The following PLS1 variants were observed in gnomAD, a reference collection of about 807,000 sequenced individuals.
The protein encoded by PLS1 is plastin-1.
A neutral mutation model predicts 73.7 loss-of-function variants in PLS1; 32 were observed. The ratio of observed to expected loss-of-function variants is 0.43; its 90% CI spans 0.33 to 0.58. The LOEUF (loss-of-function observed/expected upper bound fraction) is 0.58. Ranked by LOEUF, PLS1 falls within the 20% of genes least tolerant of loss-of-function variation. PLS1 has a pLI of 0.04. For synonymous variants in PLS1, 217 were observed against 261.3 expected (o/e 0.83, Z 1.63); for missense variants, 633 against 740.5 (o/e 0.85, Z 1.68).
chr3:142,652,732 A>C (rs11709121), intron 1 of PLS1, among the ~76,000 whole-genome samples: 11,809 of 152,240 alleles, frequency 0.078, 601 homozygotes, highest in Non-Finnish European at 0.12. Context: ...TAATGGGGAG[A>C]ACTCTGGGAT....
intron 1 of PLS1, among the ~76,000 whole-genome samples, chr3:142,603,868 G>A (rs573004491): frequency 6.6e-6 from 1 of 152,142 alleles, no homozygotes; most frequent in South Asian, 2.1e-4. Context: ...AAAAAAAAAG[G>A]AGAAACTGTC....
rs567107147 is a variant in PLS1 at position 142,627,680 on chromosome 3, G to A, written c.-37+31171G>A. The A allele has an allele frequency of 6.6e-5, 10 of 152,532 alleles. No homozygotes were observed. In the East Asian group the frequency reaches 1.9e-3, roughly 29 times the overall value. The allele number at this position is 152,532 out of a possible 1,614,324, so 9.4% of individuals were successfully genotyped here. ...GTGTCTCGCTCTGTCACCCAGGCTG[G>A]AGTGCAGTGTTGCTATCAGGGCTCA... On this transcript the variant is annotated intron_variant, in intron 1 of 15. Transcript: ENST00000457734.
intron 14 of PLS1, among the ~76,000 whole-genome samples, chr3:142,707,087 C>T (rs2038477591): frequency 6.6e-6 from 1 of 152,122 alleles, no homozygotes; most frequent in Non-Finnish European, 1.5e-5. Flanking sequence ...GAGTTTGGCT[C>T]TACTTAGAAC....
chr3:142,706,177 G>C (rs1199409699), intron 14 of PLS1, among the ~76,000 whole-genome samples: 1 of 152,090 alleles, frequency 6.6e-6, no homozygotes, highest in African/African-American at 2.4e-5. Context: ...AAAGAAAAAG[G>C]CATAAAGTAT....
intron 1 of PLS1, among the ~76,000 whole-genome samples, chr3:142,649,446 G>T (rs1026318301): frequency 1.3e-5 from 2 of 151,274 alleles, no homozygotes; most frequent in Admixed American, 1.3e-4. Flanking sequence ...GACCAGCCAT[G>T]ACCAACATGA....
Position 142,684,304 on chromosome 3 carries a change from T to C in PLS1, c.797T>C (p.Leu266Pro). 6.2e-7 allele frequency: 1 copy of C among 1,614,096 alleles called. No homozygotes were observed. The highest frequency in any genetic ancestry group is 8.5e-7 in the Non-Finnish European group (1 of 1,179,946). ...EGEELEELMK[L>P]SPEELLLRWV... ...GAGGAACTAGAGGAGCTGATGAAGC[T>C]TTCTCCCGAGGAATTACTGCTGCGA... is the stretch of plus-strand genomic sequence containing the variant. Residue 266 changes from leucine (L) to proline (P), a missense_variant, in exon 8 of 16, where the codon CTT becomes CCT. Coordinates refer to ENST00000457734, the MANE Select transcript of PLS1 (RefSeq NM_001145319.2).
At chr3:142,706,655 A>G (rs1281148308) in intron 14 of PLS1, among the ~76,000 whole-genome samples, 1 of 152,190 alleles carries the variant, frequency 6.6e-6, no homozygotes, top group Non-Finnish European at 1.5e-5. Context: ...TGCAAGGACA[A>G]TGCAAAAGAA....
At chr3:142,683,265 G>C (rs935468638) in intron 6 of PLS1, among the ~76,000 whole-genome samples, 2 of 152,218 alleles carry the variant, frequency 1.3e-5, no homozygotes, top group Admixed American at 6.5e-5. Flanking sequence ...AGCACTTTGG[G>C]AGGCCGAGGC....
At chr3:142,664,969 A>G (rs1028392778) in intron 2 of PLS1, among the ~76,000 whole-genome samples, 2 of 149,284 alleles carry the variant, frequency 1.3e-5, no homozygotes, top group African/African-American at 4.9e-5. Flanking sequence ...GAATATAAAT[A>G]CCTTTTTTTT....
chr3:142,630,521 G>C (rs533159679), intron 1 of PLS1, among the ~76,000 whole-genome samples: 37 of 152,140 alleles, frequency 2.4e-4, no homozygotes, highest in Non-Finnish European at 5.4e-4. Context: ...GGGAGGCCGA[G>C]GTGGGCAGAT....
chr3:142,627,631 A>G (rs923572913), intron 1 of PLS1, among the ~76,000 whole-genome samples: 1 of 151,718 alleles, frequency 6.6e-6, no homozygotes. Flanking sequence ...ACAGCTGTTT[A>G]TTGTTTGTTT....
chr3:142,651,498 A>G (rs1319001315), intron 1 of PLS1, among the ~76,000 whole-genome samples: 2 of 150,740 alleles, frequency 1.3e-5, no homozygotes, highest in African/African-American at 4.9e-5. Flanking sequence ...CCCAAAAAAC[A>G]AAGAGATGGA....
chr3:142,669,568 C>A lies in PLS1; in HGVS notation c.234+15C>A. The A allele has an allele frequency of 1.3e-6, 2 of 1,592,718 alleles. No individual in the cohort carries two copies. Among genetic ancestry groups the A allele is most frequent in the South Asian group, 1.1e-5 (1 of 88,754 alleles). ...AGTTTGTGTCAGTAAGTAATCTAATCCTTTCGGGCTACTGATAATCTTGCT... is the reference window on the plus strand; with the variant it reads ...AGTTTGTGTCAGTAAGTAATCTAATACTTTCGGGCTACTGATAATCTTGCT... On this transcript the variant is annotated intron_variant, in intron 3 of 15. Transcript: ENST00000457734.
chr3:142,624,242 A>G (rs1329916550), intron 1 of PLS1, among the ~76,000 whole-genome samples: 1 of 152,212 alleles, frequency 6.6e-6, no homozygotes, highest in African/African-American at 2.4e-5. Context: ...TGGGGATAGC[A>G]GCTTTGCTTA....
intron 10 of PLS1, among the ~76,000 whole-genome samples, chr3:142,693,383 G>A (rs1201668363): frequency 2.0e-5 from 3 of 152,122 alleles, no homozygotes; most frequent in Non-Finnish European, 4.4e-5. Flanking sequence ...CTATACGAAC[G>A]AGCCCCTGGA....
intron 6 of PLS1, among the ~76,000 whole-genome samples, chr3:142,681,689 C>T (rs1044909536): frequency 2.0e-5 from 3 of 152,152 alleles, no homozygotes; most frequent in Non-Finnish European, 4.4e-5. Flanking sequence ...GCATTCAGGG[C>T]AGTTGTCCAT....
At chr3:142,609,907 C>G (rs1302939799) in intron 1 of PLS1, among the ~76,000 whole-genome samples, 1 of 152,156 alleles carries the variant, frequency 6.6e-6, no homozygotes, top group Non-Finnish European at 1.5e-5. Context: ...CTTGCTCTTT[C>G]GCGCAGGCTG....
At chr3:142,650,429 T>C (rs2037062049) in intron 1 of PLS1, among the ~76,000 whole-genome samples, 1 of 151,984 alleles carries the variant, frequency 6.6e-6, no homozygotes, top group Non-Finnish European at 1.5e-5. Context: ...TGTTCTCTCT[T>C]TGTTGGAGGC....
At chr3:142,652,286 G>A (rs895183074) in intron 1 of PLS1, among the ~76,000 whole-genome samples, 1 of 152,126 alleles carries the variant, frequency 6.6e-6, no homozygotes. Context: ...GAAAGTACTG[G>A]GGACTAAGTC....
Sources: gnomAD v4.1 joint callset for allele counts (sites outside exome capture counted in the v4.1 genomes callset) on GRCh38, gnomAD v4.1.1 for gene constraint, MANE v1.5 for transcripts, NCBI Gene and HGNC (gene_info 2026-07-23, HGNC 2026-07-21) for gene names.